The following RGSL1 variants were observed in gnomAD, a reference collection of about 807,000 sequenced individuals.
RGSL1 encodes the protein regulator of G protein signaling protein-like.
In RGSL1, 97 loss-of-function variants were observed where a neutral mutation model predicts 124.7. The ratio of observed to expected loss-of-function variants is 0.78; its 90% confidence interval spans 0.66 to 0.92. The LOEUF is 0.92. Among genes scored for constraint, RGSL1 ranks in the 40% least tolerant of loss-of-function variants. The pLI is 0.00. For synonymous variants in RGSL1, 424 were observed against 438.1 expected, an observed-to-expected ratio of 0.97 and a Z score of 0.40; for missense variants, 1,233 against 1,288.4, an observed-to-expected ratio of 0.96 and a Z score of 0.66.
chr1:182,452,794 C>A (rs1001292931), intron 1 of RGSL1, among the ~76,000 whole-genome samples: 1 of 152,138 alleles, frequency 6.6e-6, no homozygotes, highest in Non-Finnish European at 1.5e-5. Context: ...AGCCAACAAC[C>A]ACCAGTGTCA....
intron 6 of RGSL1, 69 bp downstream of exon 6, chr1:182,474,611 T>C: frequency 6.8e-7 from 1 of 1,464,132 alleles, no homozygotes; most frequent in Non-Finnish European, 9.0e-7. Context: ...AAATCCCATC[T>C]GGTCACCTAT....
At position 182,527,726 on chromosome 1, in the gene RGSL1, C is replaced by T; in HGVS notation, c.2079C>T (p.Leu693=). The T allele has an allele frequency of 1.3e-6, 2 of 1,551,048 alleles. No individual in the cohort carries two copies. The highest frequency in any genetic ancestry group is 1.7e-6 in the Non-Finnish European group (2 of 1,146,640). Reference sequence around the variant, plus strand: ...CCAATGAAAAGATTTGCAAGTCTCTCATAGAAAATGTAATCAAGACTTTCT... The same window carrying T: ...CCAATGAAAAGATTTGCAAGTCTCTTATAGAAAATGTAATCAAGACTTTCT... ...IETNEKICKS[L]IENVIKTFFQ... The change falls in exon 11 of 22, where the codon CTC becomes CTT. Residue 693 remains leucine (L), a synonymous_variant. Transcript: ENST00000294854.
intron 4 of RGSL1, among the ~76,000 whole-genome samples, chr1:182,460,428 G>T (rs1283273107): frequency 6.6e-6 from 1 of 152,202 alleles, no homozygotes; most frequent in African/African-American, 2.4e-5. Context: ...GGACTGGGCT[G>T]TTTATCTCAC....
chr1:182,471,293 A>G (rs1307805578), intron 4 of RGSL1: 1 of 457,518 alleles, frequency 2.2e-6, no homozygotes, highest in Non-Finnish European at 4.4e-6. Flanking sequence ...CAAGATGATG[A>G]GATGGAAAAA....
intron 6 of RGSL1, among the ~76,000 whole-genome samples, chr1:182,484,484 C>G (rs569839402): frequency 6.6e-6 from 1 of 152,290 alleles, no homozygotes; most frequent in East Asian, 1.9e-4. Flanking sequence ...GGCCAGGGTA[C>G]AGCAGCAACT....
At chr1:182,536,262 C>A (rs1297772884) in intron 14 of RGSL1, among the ~76,000 whole-genome samples, 1 of 152,108 alleles carries the variant, frequency 6.6e-6, no homozygotes, top group Non-Finnish European at 1.5e-5. Flanking sequence ...TATGAATATT[C>A]AAGCAGAAGT....
At chr1:182,491,530 A>C (rs180824283) in intron 8 of RGSL1, among the ~76,000 whole-genome samples, 22 of 152,242 alleles carry the variant, frequency 1.4e-4, no homozygotes, top group Admixed American at 1.0e-3. Context: ...CATCTTTTAT[A>C]CAGGGAAACA....
intron 13 of RGSL1, among the ~76,000 whole-genome samples, chr1:182,531,462 C>G (rs143440791): frequency 1.3e-5 from 2 of 152,038 alleles, no homozygotes; most frequent in Non-Finnish European, 2.9e-5. Flanking sequence ...AAAACAACAA[C>G]AAAAAAATAC....
intron 9 of RGSL1, among the ~76,000 whole-genome samples, chr1:182,514,021 G>A (rs2102209208): frequency 6.6e-6 from 1 of 151,852 alleles, no homozygotes; most frequent in South Asian, 2.1e-4. Flanking sequence ...AGCCTCCTGA[G>A]TAGCTGGGAT....
chr1:182,551,550 A>G (rs1234774556), intron 18 of RGSL1, among the ~76,000 whole-genome samples: 1 of 152,216 alleles, frequency 6.6e-6, no homozygotes, highest in Non-Finnish European at 1.5e-5. Context: ...TCCCATTAAG[A>G]AAGCATTTAT....
In RGSL1 at chr1:182,560,431, CG is replaced by C. The variant is rs1661104786; in HGVS notation, c.*319del. ...ATGAAGTCTCCCCTCTTTATACACA[CG>C]TATGAAAATACATCTATCCCTCATT... On this transcript the variant is annotated 3_prime_UTR_variant, in exon 22 of 22. Coordinates refer to ENST00000294854, the MANE Select transcript of RGSL1 (RefSeq NM_001137669.2). 1 of 152,168 alleles carries C rather than the reference CG, an allele frequency of 6.6e-6. No homozygotes were observed. The highest frequency in any genetic ancestry group is 6.5e-5 in the Admixed American group (1 of 15,284). 9.4% of individuals were successfully genotyped at this position (152,168 alleles called of 1,614,324 possible).
chr1:182,543,730 T>C (rs1027405136), intron 15 of RGSL1, among the ~76,000 whole-genome samples: 5 of 152,072 alleles, frequency 3.3e-5, no homozygotes, highest in African/African-American at 1.2e-4. Flanking sequence ...ATCTGTTCAT[T>C]TGAGTTTTCT....
At position 182,540,291 on chromosome 1, in the gene RGSL1, TC is replaced by T; in HGVS notation, c.2541del (p.Thr848GlnfsTer13). ...HNTSGRSAPP[S>X]TNVRSADQEN... ...CACATCGGGACGTTCAGCTCCACCC[TC>T]CACAAATGTCCGGAGTGCAGACCAA... On this transcript the variant is annotated frameshift_variant, in exon 15 of 22. Transcript: ENST00000294854. LOFTEE classifies it high-confidence loss of function. 6.4e-7 allele frequency: 1 copy of T among 1,551,458 alleles called. No individual in the cohort carries two copies. The highest frequency in any genetic ancestry group is 1.4e-5 in the African/African-American group (1 of 73,122).
At chr1:182,449,733 G>A (rs764913122), upstream of RGSL1, among the ~76,000 whole-genome samples, 3 of 152,214 alleles carry the variant, frequency 2.0e-5, no homozygotes, top group Non-Finnish European at 4.4e-5. Flanking sequence ...CTGGGCTGAA[G>A]CAATGGAGGT....
intron 9 of RGSL1, among the ~76,000 whole-genome samples, chr1:182,497,404 A>G (rs1263052819): frequency 6.7e-6 from 1 of 150,244 alleles, no homozygotes; most frequent in Admixed American, 6.6e-5. Context: ...TTTTCAGGAG[A>G]CAGATATATT....
At chr1:182,498,757 T>C (rs1393510893) in intron 9 of RGSL1, among the ~76,000 whole-genome samples, 1 of 151,866 alleles carries the variant, frequency 6.6e-6, no homozygotes, top group Non-Finnish European at 1.5e-5. Context: ...AGTTGTTCTA[T>C]GGCTGATTAT....
intron 6 of RGSL1, among the ~76,000 whole-genome samples, chr1:182,474,796 C>T (rs1175607926): frequency 6.6e-6 from 1 of 152,218 alleles, no homozygotes; most frequent in Non-Finnish European, 1.5e-5. Flanking sequence ...GCATTACTGC[C>T]TGAGCTCTGT....
chr1:182,551,064 G>T, intron 17 of RGSL1, 36 bp from the exon 18 acceptor site: 1 of 1,450,342 alleles, frequency 6.9e-7, no homozygotes. Flanking sequence ...TCCACTGGGG[G>T]TTCCCTCCTA....
chr1:182,556,100 C>T lies in RGSL1; in HGVS notation c.*43C>T. The T allele has an allele frequency of 2.6e-6, 4 of 1,518,704 alleles. No individual in the cohort carries two copies. The highest frequency in any genetic ancestry group is 3.6e-6 in the Non-Finnish European group (4 of 1,123,264). 94.1% of individuals were successfully genotyped at this position (1,518,704 alleles called of 1,614,324 possible). A position where few individuals can be genotyped will look rare whatever the true frequency, so the allele number is the denominator to read the frequency against. ...CAGAGATAAATCATCTCTTAGAGGC[C>T]TCCTAACACTGACAGAAACTTTTCT... On this transcript the variant is annotated 3_prime_UTR_variant, in exon 21 of 22. Transcript: ENST00000294854.
Sources: gnomAD v4.1 joint callset for allele counts (sites outside exome capture counted in the v4.1 genomes callset) on GRCh38, gnomAD v4.1.1 for gene constraint, MANE v1.5 for transcripts, NCBI Gene and HGNC (gene_info 2026-07-23, HGNC 2026-07-21) for gene names.